Variants in SYCP1 observed in about 807,000 individuals in gnomAD.
SYCP1 encodes synaptonemal complex protein 1.
In SYCP1, 64 loss-of-function variants were observed where a neutral mutation model predicts 153.1. The ratio of observed to expected loss-of-function variants is 0.42; its 90% CI spans 0.34 to 0.51. The LOEUF (loss-of-function observed/expected upper bound fraction) is 0.51. SYCP1 is among the 20% of genes least tolerant of loss of function. The pLI is 0.06. For missense variants in SYCP1, 997 were observed against 1,049.0 expected (o/e 0.95, Z 0.68); for synonymous variants, 384 against 341.8 (o/e 1.12, Z -1.36).
intron 16 of SYCP1, among the ~76,000 whole-genome samples, chr1:114,905,658 A>G (rs1341393648): frequency 2.0e-5 from 3 of 152,326 alleles, no homozygotes; most frequent in Middle Eastern, 3.4e-3. Flanking sequence ...TAAAATTGGT[A>G]TAATTTCTTC....
intron 8 of SYCP1, among the ~76,000 whole-genome samples, chr1:114,862,262 A>G (rs1236295396): frequency 2.0e-5 from 3 of 152,208 alleles, no homozygotes; most frequent in Non-Finnish European, 4.4e-5. Context: ...TGAAAAGTAC[A>G]GTGATAGGGT....
chr1:114,892,461 T>G (rs1248443590), intron 15 of SYCP1, among the ~76,000 whole-genome samples: 4 of 152,164 alleles, frequency 2.6e-5, no homozygotes. Flanking sequence ...ACTCAGGGCA[T>G]GTGACCCCGC....
chr1:114,935,480 C>G (rs1669935353), intron 23 of SYCP1, among the ~76,000 whole-genome samples: 1 of 152,152 alleles, frequency 6.6e-6, no homozygotes, highest in Non-Finnish European at 1.5e-5. Context: ...GACACCCTAA[C>G]ATCACAATTA....
intron 27 of SYCP1, among the ~76,000 whole-genome samples, chr1:114,969,547 G>C (rs1415006537): frequency 6.6e-6 from 1 of 152,202 alleles, no homozygotes; most frequent in African/African-American, 2.4e-5. Flanking sequence ...TTGGCAGTGA[G>C]AATTTGAAGC....
chr1:114,978,167 G>A (rs1366903773), intron 28 of SYCP1, among the ~76,000 whole-genome samples: 2 of 151,506 alleles, frequency 1.3e-5, no homozygotes, highest in Non-Finnish European at 3.0e-5. Context: ...TATATTTGAA[G>A]GCAATAGGAT....
chr1:114,944,271 G>A (rs1489547665), intron 23 of SYCP1, 68 bp from the exon 24 acceptor site: 1 of 894,458 alleles, frequency 1.1e-6, no homozygotes, highest in Non-Finnish European at 1.7e-6. Context: ...ACCACAAAAT[G>A]AATATGGAAT....
chr1:114,977,512 A>C, intron 27 of SYCP1, 45 bp from the exon 28 acceptor site: 2 of 1,140,990 alleles, frequency 1.8e-6, no homozygotes, highest in South Asian at 3.2e-5. Flanking sequence ...ATTTGTGATC[A>C]TTGTGATGTT....
intron 27 of SYCP1, among the ~76,000 whole-genome samples, chr1:114,947,681 C>T (rs1162722889): frequency 2.0e-5 from 3 of 151,264 alleles, no homozygotes; most frequent in East Asian, 1.9e-4. Context: ...GGTGCGGTGG[C>T]GGGCGCCTGT....
chr1:114,929,614 G>A (rs546565102), intron 23 of SYCP1, among the ~76,000 whole-genome samples: 13 of 152,094 alleles, frequency 8.5e-5, no homozygotes, highest in African/African-American at 2.9e-4. Context: ...TATTATTAAA[G>A]ATCAGTAGGG....
intron 27 of SYCP1, among the ~76,000 whole-genome samples, chr1:114,956,403 C>T (rs1274252244): frequency 6.6e-6 from 1 of 152,196 alleles, no homozygotes; most frequent in Non-Finnish European, 1.5e-5. Context: ...AGCTAATTCT[C>T]AGCTCCAGTC....
Position 114,995,059 on chromosome 1 carries a change from A to G in SYCP1, c.*40A>G, listed in dbSNP as rs190918775. On this transcript the variant is annotated 3_prime_UTR_variant, in exon 32 of 32. Coordinates refer to ENST00000369522, the MANE Select transcript of SYCP1 (RefSeq NM_003176.4). ...TGTAGTTAAGGAGCCTAATAACGTGAAACTTATAGTTAATATTTTGTTCTT... is the reference window on the plus strand; with the variant it reads ...TGTAGTTAAGGAGCCTAATAACGTGGAACTTATAGTTAATATTTTGTTCTT... The G allele has an allele frequency of 2.6e-6, 4 of 1,517,992 alleles. No individual in the cohort carries two copies. The highest frequency in any genetic ancestry group is 1.4e-5 in the African/African-American group (1 of 71,168). The allele number at this position is 1,517,992 out of a possible 1,614,324, so 94.0% of individuals were successfully genotyped here.
chr1:114,908,253 T>A (rs1325751380), intron 16 of SYCP1, among the ~76,000 whole-genome samples: 1 of 152,086 alleles, frequency 6.6e-6, no homozygotes, highest in Non-Finnish European at 1.5e-5. Flanking sequence ...AGATGATGTC[T>A]TATTGTCTTT....
intron 23 of SYCP1, among the ~76,000 whole-genome samples, chr1:114,929,640 A>T (rs1669500098): frequency 6.6e-6 from 1 of 152,182 alleles, no homozygotes; most frequent in Admixed American, 6.5e-5. Context: ...TTATAATGAT[A>T]AAGTTGTCAA....
At chr1:114,972,549 T>C (rs1312303639) in intron 27 of SYCP1, among the ~76,000 whole-genome samples, 1 of 152,144 alleles carries the variant, frequency 6.6e-6, no homozygotes, top group Non-Finnish European at 1.5e-5. Flanking sequence ...TATAGCTATA[T>C]ACATCCCTCT....
At chr1:114,994,519 GTCT>G (rs1395505738) in intron 30 of SYCP1, among the ~76,000 whole-genome samples, 176 bp from the exon 31 acceptor site, 3 of 151,010 alleles carry the variant, frequency 2.0e-5, no homozygotes, top group Non-Finnish European at 4.4e-5. Flanking sequence ...TCTTTGTTTG[GTCT>G]TCTTTCTTCT....
chr1:114,857,170 A>AG, intron 3 of SYCP1, 62 bp from the exon 4 acceptor site: 1 of 1,268,264 alleles, frequency 7.9e-7, no homozygotes, highest in Non-Finnish European at 1.1e-6. Flanking sequence ...GAAAAAAGAA[A>AG]AAAAAAAAGA....
intron 3 of SYCP1, among the ~76,000 whole-genome samples, chr1:114,856,935 A>AAAAC (rs1663995994): frequency 2.0e-5 from 3 of 146,884 alleles, no homozygotes; most frequent in East Asian, 2.0e-4. Flanking sequence ...AAAAAAAAAA[A>AAAAC]AAAAAAAAAA....
intron 27 of SYCP1, among the ~76,000 whole-genome samples, 156 bp downstream of exon 27, chr1:114,947,476 A>G (rs1294633833): frequency 6.6e-6 from 1 of 152,166 alleles, no homozygotes; most frequent in African/African-American, 2.4e-5. Flanking sequence ...AAACATTTAG[A>G]ATATTTCCTA....
intron 20 of SYCP1, among the ~76,000 whole-genome samples, chr1:114,915,927 G>A (rs1478369607): frequency 1.3e-5 from 2 of 152,174 alleles, no homozygotes; most frequent in Non-Finnish European, 2.9e-5. Context: ...TGTCCCGCCT[G>A]CCTGCAGGAT....
Sources: gnomAD v4.1 joint callset for allele counts (sites outside exome capture counted in the v4.1 genomes callset) on GRCh38, gnomAD v4.1.1 for gene constraint, MANE v1.5 for transcripts, NCBI Gene and HGNC (gene_info 2026-07-23, HGNC 2026-07-21) for gene names.